SOX5: variants seen among roughly 807,000 people sequenced by gnomAD.
The protein encoded by SOX5 is transcription factor SOX-5.
In SOX5, 9 loss-of-function variants were observed where a neutral mutation model predicts 92.0. That is an observed-to-expected ratio of 0.10 (90% CI 0.06 to 0.17). The LOEUF is 0.17. Ranked by LOEUF, SOX5 falls within the 10% of genes least tolerant of loss-of-function variation. The probability of loss-of-function intolerance (pLI) is 1.00; values close to 1 mark genes in which losing one functional copy is unlikely to be tolerated. For synonymous variants in SOX5, 344 were observed against 336.3 expected (o/e 1.02, Z -0.25); for missense variants, 642 against 944.5 (o/e 0.68, Z 4.20).
At chr12:23,838,742 A>G (rs1011297219) in intron 3 of SOX5, among the ~76,000 whole-genome samples, 1 of 150,572 alleles carries the variant, frequency 6.6e-6, no homozygotes, top group African/African-American at 2.4e-5. Context: ...TTGTGTCTAC[A>G]TTTCCTGCTA....
Position 24,083,721 on chromosome 12 carries a change from G to A in SOX5, c.-2+129622C>T, listed in dbSNP as rs192749090. Among the ~76,000 whole-genome samples the A allele has an allele frequency of 2.6e-3, 396 of 152,104 alleles. 3 individuals carry two copies. The highest frequency in any genetic ancestry group is 0.01 in the Middle Eastern group (3 of 294). Reference sequence around the variant, plus strand: ...AGAATATAGCTATAGCTGGGGTTTGGGAAAGAGTAGAGGAGAAGCAAGAAG... The same window carrying A: ...AGAATATAGCTATAGCTGGGGTTTGAGAAAGAGTAGAGGAGAAGCAAGAAG... On this transcript the variant is annotated intron_variant, in intron 4 of 4. Coordinates refer to the SOX5 transcript ENST00000446891.
chr12:24,108,243 T>A (rs1268236858), intron 4 of SOX5, among the ~76,000 whole-genome samples: 1 of 152,314 alleles, frequency 6.6e-6, no homozygotes, highest in East Asian at 1.9e-4. Flanking sequence ...CCATTTTTAT[T>A]CTGCAGAAAT....
chr12:23,582,235 C>G, intron 9 of SOX5: 3 of 985,064 alleles, frequency 3.0e-6, no homozygotes, highest in Non-Finnish European at 2.4e-6. Context: ...AGCCCTCTTT[C>G]ACCTCTCCTA....
chr12:23,664,887 C>G (rs372511652), intron 7 of SOX5, among the ~76,000 whole-genome samples: 52 of 152,014 alleles, frequency 3.4e-4, no homozygotes, highest in Non-Finnish European at 4.9e-4. Flanking sequence ...CAAAGGAAGC[C>G]GGAGAAAGGG....
chr12:23,966,814 A>G (rs1947638283), intron 4 of SOX5, among the ~76,000 whole-genome samples: 1 of 152,218 alleles, frequency 6.6e-6, no homozygotes, highest in Admixed American at 6.5e-5. Flanking sequence ...CTGAAACGTA[A>G]TATGTATTCA....
intron 3 of SOX5, among the ~76,000 whole-genome samples, chr12:23,824,681 G>A (rs575777338): frequency 2.0e-5 from 3 of 152,260 alleles, no homozygotes; most frequent in East Asian, 1.9e-4. Flanking sequence ...CTGAAGATGC[G>A]TCCACAGCCT....
At chr12:24,520,032 T>C (rs1254625711) in intron 1 of SOX5, among the ~76,000 whole-genome samples, 1 of 150,670 alleles carries the variant, frequency 6.6e-6, no homozygotes, top group Non-Finnish European at 1.5e-5. Context: ...TATATTCAAG[T>C]ACTAAAAGAA....
chr12:24,504,508 A>G (rs1225522675), intron 1 of SOX5, among the ~76,000 whole-genome samples: 1 of 152,234 alleles, frequency 6.6e-6, no homozygotes, highest in Non-Finnish European at 1.5e-5. Context: ...AATTAATACT[A>G]TTCCAGAGAA....
chr12:23,963,598 A>G (rs1242170315), intron 4 of SOX5, among the ~76,000 whole-genome samples: 1 of 152,114 alleles, frequency 6.6e-6, no homozygotes, highest in Non-Finnish European at 1.5e-5. Context: ...GATATTATCA[A>G]CAGAATTACA....
intron 3 of SOX5, among the ~76,000 whole-genome samples, chr12:23,761,122 T>C (rs1304747375): frequency 5.3e-5 from 8 of 152,114 alleles, no homozygotes; most frequent in Non-Finnish European, 8.8e-5. Context: ...TTTCAAAATA[T>C]ACCAATATCT....
At chr12:24,330,119 C>T (rs1951136347) in intron 2 of SOX5, among the ~76,000 whole-genome samples, 1 of 151,738 alleles carries the variant, frequency 6.6e-6, no homozygotes, top group African/African-American at 2.4e-5. Context: ...CAGAAGAAAA[C>T]ATAAAATAAG....
In SOX5 at chr12:24,152,321, G is replaced by T. The variant is rs114421525; in HGVS notation, c.-2+61022C>A. Among the ~76,000 whole-genome samples the T allele has an allele frequency of 6.7e-3, 1,015 of 152,202 alleles. 14 individuals carry two copies. Among genetic ancestry groups the T allele is most frequent in the African/African-American group, 0.023 (962 of 41,490 alleles). ...TGTCTGTGTATTCCCAATCCAGCAT[G>T]ACTTTCATGAACATTTTATGAGTTT... is the stretch of plus-strand genomic sequence containing the variant. On this transcript the variant is annotated intron_variant, in intron 4 of 4. Coordinates refer to the SOX5 transcript ENST00000446891.
chr12:24,067,566 G>C (rs1040348082), intron 4 of SOX5, among the ~76,000 whole-genome samples: 1 of 151,990 alleles, frequency 6.6e-6, no homozygotes, highest in Non-Finnish European at 1.5e-5. Flanking sequence ...AAAGCAAAAC[G>C]AGATTATTCT....
At chr12:24,087,528 G>C (rs541749027) in intron 4 of SOX5, among the ~76,000 whole-genome samples, 1 of 152,010 alleles carries the variant, frequency 6.6e-6, no homozygotes, top group East Asian at 1.9e-4. Context: ...AGGTCTACAC[G>C]GGGAGGATGA....
intron 13 of SOX5, among the ~76,000 whole-genome samples, chr12:23,540,762 G>C (rs961207786): frequency 2.6e-5 from 4 of 152,150 alleles, no homozygotes; most frequent in African/African-American, 9.7e-5. Flanking sequence ...ATGCTTAGAA[G>C]CCCTTTAAAA....
intron 3 of SOX5, among the ~76,000 whole-genome samples, chr12:23,815,525 A>C (rs755294923): frequency 2.0e-5 from 3 of 152,220 alleles, no homozygotes; most frequent in Non-Finnish European, 4.4e-5. Context: ...CCATTGACTT[A>C]ATAAAAACAT....
intron 3 of SOX5, among the ~76,000 whole-genome samples, chr12:23,764,216 T>G (rs1175227762): frequency 2.0e-5 from 3 of 152,124 alleles, no homozygotes; most frequent in Non-Finnish European, 4.4e-5. Context: ...CAAAAGATTT[T>G]CATGACTATT....
At chr12:23,821,599 AG>A (rs2096118936) in intron 3 of SOX5, among the ~76,000 whole-genome samples, 2 of 152,064 alleles carry the variant, frequency 1.3e-5, no homozygotes, top group Non-Finnish European at 2.9e-5. Context: ...TAGCATGAGA[AG>A]GCCTTTTCTG....
intron 8 of SOX5, among the ~76,000 whole-genome samples, chr12:23,626,777 T>C (rs2077873981): frequency 6.6e-6 from 1 of 151,400 alleles, no homozygotes; most frequent in Admixed American, 6.6e-5. Flanking sequence ...CTAAGTAGGT[T>C]AAAAGACATG....
Sources: gnomAD v4.1 joint callset for allele counts (sites outside exome capture counted in the v4.1 genomes callset) on GRCh38, gnomAD v4.1.1 for gene constraint, MANE v1.5 for transcripts, NCBI Gene and HGNC (gene_info 2026-07-23, HGNC 2026-07-21) for gene names.